Variants in CEL observed in about 807,000 individuals in gnomAD.
CEL encodes the protein bile salt-activated lipase.
CEL carries 39 observed loss-of-function variants against 57.1 expected under a neutral mutation model. That is an observed-to-expected ratio of 0.68 (90% confidence interval 0.53 to 0.89). CEL has a LOEUF of 0.89. CEL is among the 40% of genes least tolerant of loss of function. The pLI is 0.00. For missense variants in CEL, 698 were observed against 915.0 expected (o/e 0.76, Z 3.06); for synonymous variants, 314 against 396.6 (o/e 0.79, Z 2.48).
At chr9:133,065,003 G>A (rs369939752) in intron 3 of CEL, 37 bp from the exon 4 acceptor site, 199 of 1,570,230 alleles carry the variant, frequency 1.3e-4, no homozygotes, top group Middle Eastern at 1.0e-3. Flanking sequence ...AGGGCCAGGC[G>A]GGGCGTCTGG....
chr9:133,070,371 C>T (rs1470769501), intron 9 of CEL, 90 bp from the exon 10 acceptor site: 1 of 1,067,406 alleles, frequency 9.4e-7, no homozygotes, highest in Non-Finnish European at 1.4e-6. Context: ...CTTCCCTGCC[C>T]ACTGCCCGGG....
At chr9:133,068,628 T>C (rs1401653389) in intron 7 of CEL, 44 bp from the exon 8 acceptor site, 1 of 1,613,588 alleles carries the variant, frequency 6.2e-7, no homozygotes, top group Admixed American at 1.7e-5. Flanking sequence ...CAGGGGAAAC[T>C]GGGAGGTACA....
intron 2 of CEL, 39 bp from the exon 3 acceptor site, chr9:133,064,601 G>A: frequency 6.2e-7 from 1 of 1,613,838 alleles, no homozygotes; most frequent in South Asian, 1.1e-5. Context: ...GGCGGGTGAG[G>A]GCGGCTGCCT....
At position 133,064,763 on chromosome 9, in the gene CEL, G is replaced by A. The variant is rs1426240878; in HGVS notation, c.340+1G>A. ...TGGGTGCCCCAGGGCAGGAAGCAAGGTCTGCCTCCCCTCTACTCCCCAAGG... is the reference window on the plus strand; with the variant it reads ...TGGGTGCCCCAGGGCAGGAAGCAAGATCTGCCTCCCCTCTACTCCCCAAGG... On this transcript the variant is annotated splice_donor_variant, in intron 3 of 10. Coordinates refer to ENST00000372080, the MANE Select transcript of CEL (RefSeq NM_001807.6). LOFTEE classifies it high-confidence loss of function. 2.5e-6 allele frequency: 4 copies of A among 1,613,986 alleles called. No homozygotes were observed. Among genetic ancestry groups the A allele is most frequent in the Non-Finnish European group, 1.7e-6 (2 of 1,180,010 alleles).
At chr9:133,065,371 T>G in intron 4 of CEL, 134 bp downstream of exon 4, 1 of 1,042,114 alleles carries the variant, frequency 9.6e-7, no homozygotes, top group Non-Finnish European at 1.5e-6. Flanking sequence ...AGTAGAATCA[T>G]GAGATGCAGG....
At chr9:133,064,799 T>C in intron 3 of CEL, 37 bp downstream of exon 3, 1 of 1,613,258 alleles carries the variant, frequency 6.2e-7, no homozygotes, top group Non-Finnish European at 8.5e-7. Context: ...GACCCTCCCA[T>C]GCAGCCACTG....
At position 133,066,814 on chromosome 9, in the gene CEL, T is replaced by G; in HGVS notation, c.670-24T>G. ...TGGGCAGAGTGGGGAGCGGCCTTGG[T>G]GACGGGATTTCTGGGTCCCGTAGAC... On this transcript the variant is annotated intron_variant, in intron 5 of 10. Coordinates refer to ENST00000372080, the MANE Select transcript of CEL (RefSeq NM_001807.6). This position sits in a 1 kb window ranked among gnomAD's most constrained non-coding sequence, Gnocchi z 4.3. 2 of 1,609,206 alleles carry G rather than the reference T, an allele frequency of 1.2e-6. No individual in the cohort carries two copies. Among genetic ancestry groups the G allele is most frequent in the Non-Finnish European group, 1.7e-6 (2 of 1,177,546 alleles).
At chr9:133,068,362 G>A (rs1382097831) in intron 7 of CEL, among the ~76,000 whole-genome samples, 6 of 152,126 alleles carry the variant, frequency 3.9e-5, no homozygotes, top group Admixed American at 3.3e-4. Flanking sequence ...AGGGGCTGCC[G>A]CTGAAGAGGA....
chr9:133,071,677 G>T lies in CEL; in HGVS notation c.2175G>T (p.Val725=), dbSNP rs765837196. The T allele has an allele frequency of 1.1e-5, 18 of 1,594,600 alleles. 1 individual carries two copies. Among genetic ancestry groups the T allele is most frequent in the South Asian group, 2.2e-5 (2 of 90,396 alleles). Residue 725 remains valine, a synonymous_variant, in exon 11 of 11, where the codon GTG becomes GTT. Transcript: ENST00000372080. ...PPTGDSGAPP[V]PPTGDSEAAP... is the part of the protein sequence containing the mutation. ...CGGGTGACTCCGGGGCCCCCCCTGT[G>T]CCCCCCACGGGTGACTCTGAGGCTG...
Position 133,071,048 on chromosome 9 carries a change from A to G in CEL, c.1546A>G (p.Ser516Gly), listed in dbSNP as rs1418602025. ...CTGGGAACCCTACACTACGGAAAAC[A>G]GCGGCTACCTGGAGATCACCAAGAA... ...THWEPYTTENSGYLEITKKMG... is the reference protein window; with the variant it reads ...THWEPYTTENGGYLEITKKMG... The change falls in exon 11 of 11, where the codon AGC becomes GGC. Residue 516 changes from serine to glycine, a missense_variant. Around this residue, in one of 6 missense-constraint regions of CEL, gnomAD observed 111 missense variants for 147.3 expected, o/e 0.75. Coordinates refer to ENST00000372080, the MANE Select transcript of CEL (RefSeq NM_001807.6). 1.1e-5 allele frequency: 17 copies of G among 1,613,404 alleles called. No individual in the cohort carries two copies. Among genetic ancestry groups the G allele is most frequent in the Non-Finnish European group, 1.4e-5 (16 of 1,179,846 alleles).
intron 7 of CEL, 102 bp downstream of exon 7, chr9:133,067,307 G>A (rs537018843): frequency 8.4e-6 from 9 of 1,068,168 alleles, no homozygotes; most frequent in African/African-American, 7.7e-5. Context: ...CCAGAGCTGC[G>A]GTCTTGTCCT....
At chr9:133,063,078 C>T (rs1263561421) in intron 1 of CEL, among the ~76,000 whole-genome samples, 7 of 151,646 alleles carry the variant, frequency 4.6e-5, no homozygotes, top group South Asian at 4.2e-4. Flanking sequence ...CTGCCGCCTG[C>T]GGTGTCTCAG....
intron 1 of CEL, among the ~76,000 whole-genome samples, chr9:133,063,603 G>C (rs1830126802): frequency 6.6e-6 from 1 of 152,228 alleles, no homozygotes; most frequent in African/African-American, 2.4e-5. Context: ...GCCCAAGATG[G>C]ACAGGAGGTG....
intron 9 of CEL, among the ~76,000 whole-genome samples, chr9:133,069,562 A>G (rs1830232516): frequency 6.6e-6 from 1 of 151,272 alleles, no homozygotes. Flanking sequence ...TGCTGTGTGC[A>G]CTGAGAGAAC....
rs1034793987 is a variant in CEL at position 133,065,222 on chromosome 9, G to C, written c.523G>C (p.Asp175His). Residue 175 changes from aspartate to histidine, a missense_variant, in exon 4 of 11, where the codon GAC (aspartate) becomes CAC (histidine). By Grantham distance (81) the Asp-to-His change is moderately conservative. Transcript: ENST00000372080. Reference protein sequence around the residue: ...VGPLGFLSTGDANLPGNYGLR... With the variant: ...VGPLGFLSTGHANLPGNYGLR... ...CCCCCTTGGGTTCCTCAGCACTGGG[G>C]ACGCCAATCTGCCAGGTGCGTGGGT... is the stretch of plus-strand genomic sequence containing the variant. 1.2e-6 allele frequency: 2 copies of C among 1,613,196 alleles called. No homozygotes were observed. Among genetic ancestry groups the C allele is most frequent in the African/African-American group, 2.7e-5 (2 of 74,944 alleles).
chr9:133,065,771 A>G (rs1588489286), intron 4 of CEL, among the ~76,000 whole-genome samples: 3 of 148,914 alleles, frequency 2.0e-5, no homozygotes, highest in East Asian at 2.0e-4. Context: ...GCTTGAACTC[A>G]GGAGGCGGAG....
chr9:133,065,154 C>G lies in CEL; in HGVS notation c.455C>G (p.Thr152Arg). The change falls in exon 4 of 11, where the codon ACA becomes AGA. Residue 152 changes from threonine to arginine, a missense_variant. Around this residue, in one of 6 missense-constraint regions of CEL, gnomAD observed 327 missense variants for 374.1 expected, o/e 0.87. Coordinates refer to ENST00000372080, the MANE Select transcript of CEL (RefSeq NM_001807.6). ...NYLYDGEEIA[T>R]RGNVIVVTFN... is the part of the protein sequence containing the mutation. ...CTGTATGACGGCGAGGAGATCGCCA[C>G]ACGCGGAAACGTCATCGTGGTCACC... 1.2e-6 allele frequency: 2 copies of G among 1,613,968 alleles called. No individual in the cohort carries two copies. The highest frequency in any genetic ancestry group is 1.7e-6 in the Non-Finnish European group (2 of 1,180,046).
chr9:133,064,546 G>A lies in CEL; in HGVS notation c.209G>A (p.Gly70Asp), dbSNP rs767504446. ...KALENPQPHP[G>D]WQGTLKAKNF... ...CTGGAAAATCCTCAGCCACATCCTGGCTGGCAAGGTGGGAGTGGGTGGTGC... is the reference window on the plus strand; with the variant it reads ...CTGGAAAATCCTCAGCCACATCCTGACTGGCAAGGTGGGAGTGGGTGGTGC... The change falls in exon 2 of 11, where the codon GGC (glycine) becomes GAC (aspartate). Residue 70 changes from glycine to aspartate, a missense_variant. Gly to Asp is a moderately conservative substitution (Grantham distance 94). Transcript: ENST00000372080. 25 of 1,614,048 alleles carry A rather than the reference G, an allele frequency of 1.5e-5. No individual in the cohort carries two copies. Among genetic ancestry groups the A allele is most frequent in the Non-Finnish European group, 2.0e-5 (24 of 1,180,022 alleles).
intron 7 of CEL, 80 bp downstream of exon 7, chr9:133,067,285 G>C: frequency 7.7e-7 from 1 of 1,295,306 alleles, no homozygotes; most frequent in Non-Finnish European, 1.1e-6. Flanking sequence ...CTCCGGAGGA[G>C]AGAGGAAGGT....
Sources: gnomAD v4.1 joint callset for allele counts (sites outside exome capture counted in the v4.1 genomes callset) on GRCh38, gnomAD v4.1.1 for gene constraint, gnomAD v4.1.1 regional missense constraint, Gnocchi (gnomAD v3.1) non-coding constraint, MANE v1.5 for transcripts, NCBI Gene and HGNC (gene_info 2026-07-23, HGNC 2026-07-21) for gene names.